HTR1F: variants seen among roughly 807,000 people sequenced by gnomAD.
The protein encoded by HTR1F is 5-hydroxytryptamine receptor 1F.
HTR1F carries 17 observed loss-of-function variants against 24.0 expected under a neutral mutation model. The observed-to-expected ratio is 0.71, with a 90% CI of 0.48 to 1.06. HTR1F has a LOEUF of 1.06. Among genes scored for constraint, HTR1F ranks in the 50% least tolerant of loss-of-function variants. The pLI is 0.00. For synonymous variants in HTR1F, 186 were observed against 156.8 expected (o/e 1.19, Z -1.39); for missense variants, 391 against 427.8 (o/e 0.91, Z 0.76).
chr3:87,827,559 C>G (rs1000228267), intron 2 of HTR1F, among the ~76,000 whole-genome samples: 1 of 152,096 alleles, frequency 6.6e-6, no homozygotes, highest in Non-Finnish European at 1.5e-5. Context: ...ATGAAAATAG[C>G]ATTCTGTAAT....
At chr3:87,901,021 T>C (rs1473183966) in intron 2 of HTR1F, among the ~76,000 whole-genome samples, 1 of 152,010 alleles carries the variant, frequency 6.6e-6, no homozygotes, top group Non-Finnish European at 1.5e-5. Context: ...AAGGACTGGG[T>C]CTAGGATAGA....
At chr3:87,975,451 A>C (rs1705374213) in intron 2 of HTR1F, among the ~76,000 whole-genome samples, 1 of 152,314 alleles carries the variant, frequency 6.6e-6, no homozygotes. Context: ...CTTTCTTATC[A>C]TTCAAATACA....
At chr3:87,931,046 T>TTA (rs1704254461) in intron 2 of HTR1F, among the ~76,000 whole-genome samples, 1 of 113,100 alleles carries the variant, frequency 8.8e-6, no homozygotes, top group Non-Finnish European at 1.8e-5. Flanking sequence ...TTTTTTTTTT[T>TTA]ACTTTTTTTA....
At chr3:87,834,733 T>C (rs1428287041) in intron 2 of HTR1F, among the ~76,000 whole-genome samples, 2 of 152,206 alleles carry the variant, frequency 1.3e-5, no homozygotes, top group African/African-American at 4.8e-5. Flanking sequence ...GGTTTTTACA[T>C]TTCAAAATTG....
intron 2 of HTR1F, among the ~76,000 whole-genome samples, chr3:87,854,854 G>A (rs1180795903): frequency 2.0e-5 from 3 of 151,728 alleles, no homozygotes; most frequent in African/African-American, 7.3e-5. Context: ...TTAACTTTTT[G>A]TTCAAAAATT....
chr3:87,837,202 A>G (rs1034243167), intron 2 of HTR1F, among the ~76,000 whole-genome samples: 1 of 152,150 alleles, frequency 6.6e-6, no homozygotes. Context: ...ATAAAGAAGA[A>G]AAGGAATTTA....
At chr3:87,818,087 G>A (rs1332113655) in intron 1 of HTR1F, among the ~76,000 whole-genome samples, 1 of 152,102 alleles carries the variant, frequency 6.6e-6, no homozygotes, top group African/African-American at 2.4e-5. Context: ...GATTCTGCAC[G>A]TACTATTTGC....
chr3:87,931,026 CTTTTT>C (rs34617109), intron 2 of HTR1F, among the ~76,000 whole-genome samples: 46 of 131,842 alleles, frequency 3.5e-4, no homozygotes, highest in African/African-American at 1.2e-3. Context: ...ATAGTCTTTC[CTTTTT>C]TTTTTTTTTT....
At chr3:87,977,378 A>T (rs1705417180) in intron 2 of HTR1F, among the ~76,000 whole-genome samples, 1 of 149,598 alleles carries the variant, frequency 6.7e-6, no homozygotes, top group Non-Finnish European at 1.5e-5. Flanking sequence ...CCCTCTACAG[A>T]TAATGAAGCT....
chr3:87,937,947 G>A (rs1285834900), intron 2 of HTR1F, among the ~76,000 whole-genome samples: 24 of 149,012 alleles, frequency 1.6e-4, no homozygotes, highest in African/African-American at 5.2e-4. Context: ...AAAAAAAGAA[G>A]AAAGAAAGAA....
chr3:87,801,475 G>A (rs1703988662), intron 1 of HTR1F, among the ~76,000 whole-genome samples: 1 of 152,142 alleles, frequency 6.6e-6, no homozygotes, highest in Non-Finnish European at 1.5e-5. Flanking sequence ...CAAGGTGGTC[G>A]GGGCACAGCT....
chr3:87,864,688 G>A (rs59504854), intron 2 of HTR1F, among the ~76,000 whole-genome samples: 18,078 of 152,010 alleles, frequency 0.12, 1,358 homozygotes, highest in African/African-American at 0.21. Flanking sequence ...CTGAGGTCAC[G>A]AGTTCAAGAC....
At chr3:87,822,947 A>T (rs189971384) in intron 2 of HTR1F, among the ~76,000 whole-genome samples, 53 of 152,324 alleles carry the variant, frequency 3.5e-4, no homozygotes, top group Admixed American at 9.1e-4. Flanking sequence ...GAAAATGGTG[A>T]CAATAATATT....
chr3:87,961,967 A>G (rs1705072472), intron 2 of HTR1F, among the ~76,000 whole-genome samples: 1 of 152,118 alleles, frequency 6.6e-6, no homozygotes, highest in Admixed American at 6.6e-5. Flanking sequence ...ATACTAAAAA[A>G]TGATTCATTG....
At chr3:87,927,332 A>G (rs1704150068) in intron 2 of HTR1F, among the ~76,000 whole-genome samples, 1 of 150,782 alleles carries the variant, frequency 6.6e-6, no homozygotes, top group Non-Finnish European at 1.5e-5. Flanking sequence ...TGTTGATTAC[A>G]GAAAAATATT....
chr3:87,986,257 C>T (rs1222843152), intron 2 of HTR1F, among the ~76,000 whole-genome samples: 5 of 152,276 alleles, frequency 3.3e-5, no homozygotes, highest in African/African-American at 4.8e-5. Flanking sequence ...TTACATTTCT[C>T]ATTGTAAATA....
chr3:87,924,422 C>A (rs4333109), intron 2 of HTR1F, among the ~76,000 whole-genome samples: 66,633 of 151,786 alleles, frequency 0.44, 15,613 homozygotes, highest in African/African-American at 0.61. Context: ...TGTAGTGACA[C>A]GATTTGATTC....
intron 2 of HTR1F, among the ~76,000 whole-genome samples, chr3:87,987,793 TAAA>T (rs1559660292): frequency 7.2e-6 from 1 of 139,830 alleles, no homozygotes; most frequent in African/African-American, 2.8e-5. Context: ...TTTATATATA[TAAA>T]ATATATGTAT....
intron 1 of HTR1F, among the ~76,000 whole-genome samples, chr3:87,804,396 C>T (rs1704041416): frequency 6.6e-6 from 1 of 151,766 alleles, no homozygotes; most frequent in African/African-American, 2.4e-5. Flanking sequence ...ACAGCAAGAG[C>T]TCATTGCTCA....
Sources: gnomAD v4.1 joint callset for allele counts (sites outside exome capture counted in the v4.1 genomes callset) on GRCh38, gnomAD v4.1.1 for gene constraint, MANE v1.5 for transcripts, NCBI Gene and HGNC (gene_info 2026-07-23, HGNC 2026-07-21) for gene names.